The following LRP1B variants were observed in gnomAD, a reference collection of about 807,000 sequenced individuals.
The protein encoded by LRP1B is LDL receptor related protein 1B, also known as low-density lipoprotein receptor-related protein 1B.
Under a neutral mutation model 556.6 loss-of-function variants are expected in LRP1B, and 217 were observed. That is an observed-to-expected ratio of 0.39 (90% CI 0.35 to 0.44). The LOEUF is 0.44. LRP1B is among the 20% of genes least tolerant of loss of function. LRP1B has a pLI of 1.00. For missense variants in LRP1B, 5,053 were observed against 5,620.8 expected (o/e 0.90, Z 3.23); for synonymous variants, 2,047 against 1,865.8 (o/e 1.10, Z -2.50).
chr2:140,973,049 ATT>A (rs1220002824), intron 18 of LRP1B, among the ~76,000 whole-genome samples: 6 of 51,222 alleles, frequency 1.2e-4, no homozygotes, highest in Non-Finnish European at 2.2e-4. Context: ...AATATATTTC[ATT>A]TTATATATAT....
At chr2:140,285,127 ATGTG>A (rs551810301) in intron 84 of LRP1B, among the ~76,000 whole-genome samples, 109 of 150,090 alleles carry the variant, frequency 7.3e-4, no homozygotes, top group South Asian at 1.3e-3. Flanking sequence ...GTGTATATAT[ATGTG>A]TGTGTGTAGA....
At chr2:141,863,251 A>C (rs1257372360) in intron 1 of LRP1B, among the ~76,000 whole-genome samples, 1 of 152,194 alleles carries the variant, frequency 6.6e-6, no homozygotes, top group Non-Finnish European at 1.5e-5. Flanking sequence ...GAGCTTCTAC[A>C]ATCTGCCCAG....
intron 41 of LRP1B, among the ~76,000 whole-genome samples, chr2:140,678,021 C>T (rs927854937): frequency 6.6e-6 from 1 of 152,138 alleles, no homozygotes; most frequent in African/African-American, 2.4e-5. Context: ...ACATGCAGTG[C>T]TTAATAATTT....
intron 41 of LRP1B, among the ~76,000 whole-genome samples, chr2:140,646,469 T>C (rs1447009979): frequency 6.6e-6 from 1 of 152,190 alleles, no homozygotes; most frequent in Non-Finnish European, 1.5e-5. Context: ...GTCAGGGAGT[T>C]AAATGACTTT....
chr2:141,966,132 TTCA>T (rs1261513745), intron 1 of LRP1B, among the ~76,000 whole-genome samples: 2 of 151,880 alleles, frequency 1.3e-5, no homozygotes, highest in Non-Finnish European at 1.5e-5. Flanking sequence ...AAGGCTTATA[TTCA>T]TCATTTCACT....
chr2:140,784,854 T>C (rs2104971393), intron 32 of LRP1B, among the ~76,000 whole-genome samples: 1 of 151,720 alleles, frequency 6.6e-6, no homozygotes, highest in Non-Finnish European at 1.5e-5. Context: ...AAACAGAAAA[T>C]GAAAGTTCAC....
chr2:140,640,458 C>T (rs1265847139), intron 41 of LRP1B, among the ~76,000 whole-genome samples: 4 of 114,834 alleles, frequency 3.5e-5, no homozygotes, highest in South Asian at 3.0e-4. Flanking sequence ...TGCAGTGGCG[C>T]GATCTCGGCT....
intron 3 of LRP1B, among the ~76,000 whole-genome samples, chr2:141,257,578 C>T (rs528038097): frequency 6.6e-6 from 1 of 152,228 alleles, no homozygotes; most frequent in Admixed American, 6.5e-5. Flanking sequence ...AAAGACCAGA[C>T]CTCAAACATG....
chr2:140,895,563 G>C (rs1275238468), intron 23 of LRP1B, among the ~76,000 whole-genome samples: 1 of 152,160 alleles, frequency 6.6e-6, no homozygotes, highest in Admixed American at 6.5e-5. Context: ...ATGTTACCGT[G>C]CGCTCTTTTA....
chr2:140,654,861 T>C (rs1224090570), intron 41 of LRP1B, among the ~76,000 whole-genome samples: 1 of 152,210 alleles, frequency 6.6e-6, no homozygotes, highest in Admixed American at 6.5e-5. Flanking sequence ...CTCAACTCTA[T>C]GCTAGTTTGT....
At chr2:141,487,506 AAAATTAT>A (rs1229726143) in intron 2 of LRP1B, among the ~76,000 whole-genome samples, 1 of 152,202 alleles carries the variant, frequency 6.6e-6, no homozygotes, top group Non-Finnish European at 1.5e-5. Flanking sequence ...GAATACTCTC[AAAATTAT>A]AATGGTTCTC....
rs80101968 is a variant in LRP1B at position 140,948,157 on chromosome 2, G to T, written c.3136+2078C>A. On this transcript the variant is annotated intron_variant, in intron 20 of 90. Transcript: ENST00000389484. ...ATGCACATGCAAGAGAAGGATGTGA[G>T]CTCACATCTGAGATGACAATAAATT... 5.4e-3 allele frequency among the ~76,000 whole-genome samples: 824 copies of T among 152,256 alleles called. 8 individuals carry two copies. Among genetic ancestry groups the T allele is most frequent in the African/African-American group, 0.019 (776 of 41,544 alleles).
At chr2:141,789,717 A>G (rs1276320342) in intron 2 of LRP1B, among the ~76,000 whole-genome samples, 3 of 152,024 alleles carry the variant, frequency 2.0e-5, no homozygotes, top group African/African-American at 7.2e-5. Context: ...AAAGAATGTA[A>G]GAATAGCTCA....
At chr2:141,716,433 A>T (rs1406279037) in intron 2 of LRP1B, among the ~76,000 whole-genome samples, 1 of 152,152 alleles carries the variant, frequency 6.6e-6, no homozygotes, top group African/African-American at 2.4e-5. Flanking sequence ...ATGTATATAT[A>T]TTTTTTTCAG....
intron 5 of LRP1B, among the ~76,000 whole-genome samples, chr2:141,235,146 C>T (rs1683604752): frequency 6.6e-6 from 1 of 151,964 alleles, no homozygotes. Flanking sequence ...CTGTATTGGA[C>T]TGAGCAAGAA....
intron 49 of LRP1B, among the ~76,000 whole-genome samples, chr2:140,523,230 C>A (rs1161352133): frequency 6.6e-6 from 1 of 151,906 alleles, no homozygotes; most frequent in African/African-American, 2.4e-5. Flanking sequence ...GATTCCAGGT[C>A]GGTGCAACAT....
intron 32 of LRP1B, among the ~76,000 whole-genome samples, chr2:140,796,790 T>G (rs1690331199): frequency 6.6e-6 from 1 of 152,204 alleles, no homozygotes; most frequent in Middle Eastern, 3.4e-3. Context: ...TAAAATAACC[T>G]GGATTGTATA....
rs1686479664 is a variant in LRP1B, at chr2:140,442,616, G to C, written c.10302C>G (p.Asn3434Lys). Reference protein sequence around the residue: ...DEEDERDCPENSCSPDYFQCK... With the variant: ...DEEDERDCPEKSCSPDYFQCK... ...ACTGGAAATAGTCTGGAGAACAGCT[G>C]TTTTCAGCTTAGAAAGAAAACTGCC... The change falls in exon 66 of 91, where the codon AAC becomes AAG. Residue 3434 changes from asparagine to lysine, a missense_variant. Transcript: ENST00000389484. 25 of 1,612,546 alleles carry C rather than the reference G, an allele frequency of 1.6e-5. No homozygotes were observed. Among genetic ancestry groups the C allele is most frequent in the Non-Finnish European group, 2.1e-5 (25 of 1,179,544 alleles).
chr2:141,423,339 T>G (rs1559062655), intron 3 of LRP1B, among the ~76,000 whole-genome samples: 1 of 149,392 alleles, frequency 6.7e-6, no homozygotes, highest in Non-Finnish European at 1.5e-5. Context: ...TTCCCACACT[T>G]GATGCACAGA....
Sources: gnomAD v4.1 joint callset for allele counts (sites outside exome capture counted in the v4.1 genomes callset) on GRCh38, gnomAD v4.1.1 for gene constraint, MANE v1.5 for transcripts, NCBI Gene and HGNC (gene_info 2026-07-23, HGNC 2026-07-21) for gene names.